The following ALK variants were observed in gnomAD, a reference collection of about 807,000 sequenced individuals.
ALK encodes the protein ALK tyrosine kinase receptor.
A neutral mutation model predicts 163.1 loss-of-function variants in ALK; 74 were observed. That is an observed-to-expected ratio of 0.45 (90% CI 0.38 to 0.55). The LOEUF (loss-of-function observed/expected upper bound fraction) is 0.55, where lower values mean the gene tolerates loss of function less well. ALK is among the 20% of genes least tolerant of loss of function. The pLI, the probability that ALK is intolerant of heterozygous loss-of-function variation, is 0.00. For synonymous variants in ALK, 960 were observed against 843.2 expected (o/e 1.14, Z -2.40); for missense variants, 2,063 against 2,105.3 (o/e 0.98, Z 0.39).
At chr2:29,207,326 C>A (rs1319405191) in intron 25 of ALK, 54 bp from the exon 26 acceptor site, 9 of 1,383,796 alleles carry the variant, frequency 6.5e-6, no homozygotes, top group Non-Finnish European at 9.3e-6. Context: ...CATTAAGCAT[C>A]TGCCCTGCTG....
At chr2:29,325,355 T>C (rs906706270) in intron 6 of ALK, among the ~76,000 whole-genome samples, 1 of 152,038 alleles carries the variant, frequency 6.6e-6, no homozygotes, top group Non-Finnish European at 1.5e-5. Flanking sequence ...CTGAAGAAAA[T>C]AATAACATGA....
At chr2:29,292,794 T>C (rs1666069501) in intron 9 of ALK, among the ~76,000 whole-genome samples, 1 of 152,206 alleles carries the variant, frequency 6.6e-6, no homozygotes, top group Admixed American at 6.5e-5. Context: ...ATTCCTTCTA[T>C]CGCTTTACAT....
chr2:29,289,355 T>C (rs988044760), intron 9 of ALK, among the ~76,000 whole-genome samples: 20 of 151,718 alleles, frequency 1.3e-4, no homozygotes, highest in Admixed American at 6.6e-4. Flanking sequence ...GCACTTGAAG[T>C]GTTTTGAACC....
intron 5 of ALK, among the ~76,000 whole-genome samples, chr2:29,364,523 T>C (rs1668458374): frequency 6.6e-6 from 1 of 152,200 alleles, no homozygotes; most frequent in Non-Finnish European, 1.5e-5. Flanking sequence ...TCCTTGAGCA[T>C]GGAGCCAACT....
chr2:29,539,862 A>G (rs1037894775), intron 3 of ALK, among the ~76,000 whole-genome samples: 1 of 152,190 alleles, frequency 6.6e-6, no homozygotes, highest in African/African-American at 2.4e-5. Flanking sequence ...TACAACAACA[A>G]CTGGGTAAAG....
At chr2:29,526,445 T>C (rs1672962668) in intron 4 of ALK, among the ~76,000 whole-genome samples, 1 of 152,210 alleles carries the variant, frequency 6.6e-6, no homozygotes, top group Non-Finnish European at 1.5e-5. Context: ...TTTTAAGGCT[T>C]TTAAAAATTA....
chr2:29,731,028 C>A lies in ALK; in HGVS notation c.668-13331G>T, dbSNP rs17008562. Among the ~76,000 whole-genome samples, 544 of 152,296 alleles carry A rather than the reference C, an allele frequency of 3.6e-3. 2 individuals carry two copies. Among genetic ancestry groups the A allele is most frequent in the African/African-American group, 0.013 (522 of 41,560 alleles). On this transcript the variant is annotated intron_variant, in intron 1 of 28. Coordinates refer to ENST00000389048, the MANE Select transcript of ALK (RefSeq NM_004304.5). ...TTGTCGCCAACACTGTGTCATCACTCAAACAAAGCAGGTGGCATGGGTGAG... is the reference window on the plus strand; with the variant it reads ...TTGTCGCCAACACTGTGTCATCACTAAAACAAAGCAGGTGGCATGGGTGAG...
At chr2:29,876,619 ATGG>A (rs1666721297) in intron 1 of ALK, among the ~76,000 whole-genome samples, 1 of 132,252 alleles carries the variant, frequency 7.6e-6, no homozygotes, top group South Asian at 2.7e-4. Flanking sequence ...AATAATGCTG[ATGG>A]TGGTGATGGC....
intron 1 of ALK, among the ~76,000 whole-genome samples, chr2:29,824,503 C>T (rs1218009461): frequency 6.6e-6 from 1 of 152,252 alleles, no homozygotes; most frequent in African/African-American, 2.4e-5. Context: ...TGCAAAGCCA[C>T]TGAGGCAGAG....
At chr2:29,233,730 C>G (rs1350819971) in intron 13 of ALK, 34 bp from the exon 14 acceptor site, 1 of 1,614,018 alleles carries the variant, frequency 6.2e-7, no homozygotes, top group Non-Finnish European at 8.5e-7. Flanking sequence ...GGTTTGTGGC[C>G]AAACCAGAGT....
At chr2:29,482,632 G>A (rs1046003805) in intron 4 of ALK, among the ~76,000 whole-genome samples, 1 of 152,082 alleles carries the variant, frequency 6.6e-6, no homozygotes, top group Non-Finnish European at 1.5e-5. Flanking sequence ...TATCCTATGG[G>A]TCCTCAGCAC....
chr2:29,212,500 G>C (rs1324671430), intron 24 of ALK, among the ~76,000 whole-genome samples: 2 of 152,202 alleles, frequency 1.3e-5, no homozygotes, highest in African/African-American at 4.8e-5. Flanking sequence ...CTGCAAGTTG[G>C]AAAGGGTTAG....
chr2:29,919,820 A>G (rs1397243187), intron 1 of ALK, among the ~76,000 whole-genome samples, 173 bp downstream of exon 1: 1 of 152,232 alleles, frequency 6.6e-6, no homozygotes, highest in Non-Finnish European at 1.5e-5. Flanking sequence ...GCGTTCAGGG[A>G]GAAAACAAGA....
At chr2:29,818,012 C>A (rs1264778311) in intron 1 of ALK, among the ~76,000 whole-genome samples, 1 of 152,242 alleles carries the variant, frequency 6.6e-6, no homozygotes, top group Non-Finnish European at 1.5e-5. Flanking sequence ...TGTATTTCCT[C>A]TCGCCATCCA....
At chr2:29,467,636 C>T (rs79674921) in intron 4 of ALK, among the ~76,000 whole-genome samples, 193 of 152,338 alleles carry the variant, frequency 1.3e-3, no homozygotes, top group African/African-American at 4.6e-3. Flanking sequence ...CAGTTCCTCT[C>T]AAAGTGTGGC....
chr2:29,563,896 A>T (rs905832072), intron 3 of ALK, among the ~76,000 whole-genome samples: 1 of 152,202 alleles, frequency 6.6e-6, no homozygotes. Context: ...AAGGGCAAAG[A>T]AGTTATGCAA....
intron 1 of ALK, among the ~76,000 whole-genome samples, chr2:29,910,733 C>T (rs552112120): frequency 1.3e-5 from 2 of 152,260 alleles, no homozygotes; most frequent in Admixed American, 6.5e-5. Flanking sequence ...TGAAAGTATA[C>T]CCAGTGAAAA....
intron 8 of ALK, among the ~76,000 whole-genome samples, chr2:29,299,748 C>A (rs939617532): frequency 6.6e-5 from 10 of 152,202 alleles, no homozygotes; most frequent in Admixed American, 2.6e-4. Context: ...TTCACTCATA[C>A]TTTGCATATT....
chr2:29,361,050 C>T (rs1668374213), intron 5 of ALK, among the ~76,000 whole-genome samples: 1 of 152,226 alleles, frequency 6.6e-6, no homozygotes, highest in African/African-American at 2.4e-5. Context: ...GTCAGAAGTC[C>T]AGCAGCAAAG....
Sources: gnomAD v4.1 joint callset for allele counts (sites outside exome capture counted in the v4.1 genomes callset) on GRCh38, gnomAD v4.1.1 for gene constraint, MANE v1.5 for transcripts, NCBI Gene and HGNC (gene_info 2026-07-23, HGNC 2026-07-21) for gene names.